The following COL6A1 variants were observed in gnomAD, a reference collection of about 807,000 sequenced individuals.
COL6A1 encodes the protein collagen alpha-1(VI) chain.
A neutral mutation model predicts 145.6 loss-of-function variants in COL6A1; 80 were observed. The observed-to-expected ratio is 0.55, with a 90% confidence interval of 0.46 to 0.66. COL6A1 has a LOEUF of 0.66. Ranked by LOEUF, COL6A1 falls within the 30% of genes least tolerant of loss-of-function variation. The probability of loss-of-function intolerance (pLI) is 0.00; values close to 1 mark genes in which losing one functional copy is unlikely to be tolerated. For missense variants in COL6A1, 1,364 were observed against 1,473.8 expected (o/e 0.93, Z 1.22); for synonymous variants, 638 against 622.8 (o/e 1.02, Z -0.36).
intron 3 of COL6A1, among the ~76,000 whole-genome samples, chr21:45,985,593 G>A (rs1305632447): frequency 6.6e-6 from 1 of 152,242 alleles, no homozygotes; most frequent in African/African-American, 2.4e-5. Flanking sequence ...GTGTCCAGCT[G>A]TGGGGACGCA....
At chr21:45,982,587 G>A in intron 1 of COL6A1, 47 bp from the exon 2 acceptor site, 1 of 1,611,618 alleles carries the variant, frequency 6.2e-7, no homozygotes. Context: ...AGAGACTCGG[G>A]GAATGGGGCG....
intron 21 of COL6A1, 47 bp from the exon 22 acceptor site, chr21:45,997,653 G>A (rs2077813386): frequency 6.4e-7 from 1 of 1,566,654 alleles, no homozygotes; most frequent in Non-Finnish European, 8.7e-7. Flanking sequence ...TCCCTCCAAG[G>A]TCACCATGCT....
In COL6A1 at chr21:46,003,731, CAAG is replaced by C. The variant is rs886043457; in HGVS notation, c.2810_2812del (p.Lys937del). 6.2e-7 allele frequency: 1 copy of C among 1,612,962 alleles called. No individual in the cohort carries two copies. Among genetic ancestry groups the C allele is most frequent in the Non-Finnish European group, 8.5e-7 (1 of 1,179,886 alleles). ...ACCGCGAGGCCTCGTCCGGCGCTGC[CAAG>C]AAGAGGCTGCTGCTCTTCTCAGATG... On this transcript the variant is annotated inframe_deletion, in exon 35 of 35. Coordinates refer to ENST00000361866, the MANE Select transcript of COL6A1 (RefSeq NM_001848.3).
intron 20 of COL6A1, among the ~76,000 whole-genome samples, chr21:45,996,297 C>T (rs1304483257): frequency 1.3e-5 from 2 of 152,226 alleles, no homozygotes; most frequent in Non-Finnish European, 2.9e-5. Flanking sequence ...AGCTTCTGGA[C>T]CTCCTTGAGG....
At position 45,999,708 on chromosome 21, in the gene COL6A1, T is replaced by C; in HGVS notation, c.1776+16T>C. 1.4e-5 allele frequency: 22 copies of C among 1,609,208 alleles called. No individual in the cohort carries two copies. Among genetic ancestry groups the C allele is most frequent in the Non-Finnish European group, 1.9e-5 (22 of 1,178,540 alleles). The stretch of plus-strand genomic sequence containing the variant: ...TGGGCCGGACGTAAGTGGGGCTCTG[T>C]GAACATTGCTGGGGGCGACCACTGT... On this transcript the variant is annotated intron_variant, in intron 27 of 34. Transcript: ENST00000361866.
chr21:45,987,419 C>G, intron 6 of COL6A1, 80 bp from the exon 7 acceptor site: 1 of 1,596,342 alleles, frequency 6.3e-7, no homozygotes, highest in African/African-American at 1.3e-5. Flanking sequence ...GCCCATGTGC[C>G]TGGGTCGCAT....
At chr21:45,989,714 C>G (rs764238847) in intron 10 of COL6A1, 38 bp from the exon 11 acceptor site, 1 of 1,613,014 alleles carries the variant, frequency 6.2e-7, no homozygotes, top group Non-Finnish European at 8.5e-7. Flanking sequence ...ACAGCACTAA[C>G]AAGCCTTCCT....
chr21:45,983,712 C>G (rs1038405116), intron 2 of COL6A1, among the ~76,000 whole-genome samples: 2 of 152,106 alleles, frequency 1.3e-5, no homozygotes, highest in African/African-American at 4.8e-5. Flanking sequence ...CGTGGCCCAG[C>G]GTCCCCCGAG....
intron 6 of COL6A1, 29 bp downstream of exon 6, chr21:45,987,204 G>A (rs777986401): frequency 7.7e-5 from 121 of 1,574,904 alleles, no homozygotes; most frequent in African/African-American, 1.2e-4. Context: ...ACCCCCAGCC[G>A]TGAGTCTGCA....
At chr21:45,997,858 T>C in intron 22 of COL6A1, 96 bp downstream of exon 22, 1 of 1,392,564 alleles carries the variant, frequency 7.2e-7, no homozygotes, top group African/African-American at 1.4e-5. Flanking sequence ...CTGGGGTCCC[T>C]GACCGGGCCG....
At position 45,987,387 on chromosome 21, in the gene COL6A1, G is replaced by A. The variant is rs1352772367; in HGVS notation, c.739-112G>A. The A allele has an allele frequency of 2.0e-6, 3 of 1,527,448 alleles. No individual in the cohort carries two copies. The South Asian group carries it at 3.4e-5, about 17-fold the overall frequency. 94.6% of individuals were successfully genotyped at this position (1,527,448 alleles called of 1,614,324 possible). On this transcript the variant is annotated intron_variant, in intron 6 of 34. Transcript: ENST00000361866. ...GTGCCTGGGACATGTGTCCGCCTGT[G>A]CGTCCATCCGTGTGTCCGTCTGCCC...
intron 29 of COL6A1, 68 bp from the exon 30 acceptor site, chr21:46,001,185 G>A (rs371797562): frequency 2.9e-5 from 45 of 1,574,602 alleles, no homozygotes; most frequent in Middle Eastern, 3.4e-4. Flanking sequence ...GGGCCAGGGC[G>A]GTGGAGGGGA....
intron 27 of COL6A1, 125 bp from the exon 28 acceptor site, chr21:46,000,206 G>A (rs1396761306): frequency 5.6e-6 from 6 of 1,080,338 alleles, no homozygotes; most frequent in Non-Finnish European, 8.6e-6. Context: ...CACCTGCAAA[G>A]AACCTCCTGC....
At chr21:45,990,467 TGGGGCGAGATGGG>T in intron 13 of COL6A1, 45 bp downstream of exon 13, 1 of 308,374 alleles carries the variant, frequency 3.2e-6, no homozygotes, top group Non-Finnish European at 4.2e-6. Context: ...CGAGGAGGAA[TGGGGCGAGATGGG>T]GAGGGACGGA....
At chr21:45,982,846 C>A in intron 2 of COL6A1, 83 bp downstream of exon 2, 1 of 1,571,498 alleles carries the variant, frequency 6.4e-7, no homozygotes. Context: ...AACACGGGTG[C>A]GACGGCCTCA....
intron 34 of COL6A1, 108 bp from the exon 35 acceptor site, chr21:46,003,283 G>A: frequency 6.2e-7 from 1 of 1,600,048 alleles, no homozygotes; most frequent in Non-Finnish European, 8.5e-7. Flanking sequence ...CGGTGGCTGA[G>A]CACCACCGTG....
Position 46,003,654 on chromosome 21 carries a change from A to T in COL6A1, c.2728A>T (p.Ile910Phe), listed in dbSNP as rs907852276. The T allele has an allele frequency of 4.3e-6, 7 of 1,612,908 alleles. No individual in the cohort carries two copies. Among genetic ancestry groups the T allele is most frequent in the Non-Finnish European group, 5.9e-6 (7 of 1,179,936 alleles). ...LASAVDAMDF[I>F]NDATDVNDAL... ...CAGTGCCGTCGATGCCATGGACTTT[A>T]TCAACGACGCCACCGACGTCAACGA... Residue 910 changes from isoleucine to phenylalanine, a missense_variant, in exon 35 of 35, where the codon ATC becomes TTC. Ile to Phe is a conservative substitution (Grantham distance 21, BLOSUM62 0). This residue lies in a region of COL6A1 where 938 missense variants were observed against 1,003.8 expected (regional missense o/e 0.93). Coordinates refer to ENST00000361866, the MANE Select transcript of COL6A1 (RefSeq NM_001848.3).
At chr21:45,996,356 G>A (rs897026517) in intron 20 of COL6A1, among the ~76,000 whole-genome samples, 22 of 152,358 alleles carry the variant, frequency 1.4e-4, no homozygotes, top group Non-Finnish European at 2.5e-4. Context: ...CTGCTGGGGC[G>A]TTGACCACGA....
intron 15 of COL6A1, among the ~76,000 whole-genome samples, chr21:45,991,318 C>A (rs932688528): frequency 2.6e-5 from 4 of 152,342 alleles, no homozygotes; most frequent in African/African-American, 4.8e-5. Flanking sequence ...GCCGCTCGCT[C>A]GGCACAGATG....
Sources: gnomAD v4.1 joint callset for allele counts (sites outside exome capture counted in the v4.1 genomes callset) on GRCh38, gnomAD v4.1.1 for gene constraint, gnomAD v4.1.1 regional missense constraint, MANE v1.5 for transcripts, NCBI Gene and HGNC (gene_info 2026-07-23, HGNC 2026-07-21) for gene names.